The following RERE variants were observed in gnomAD, a reference collection of about 807,000 sequenced individuals.
The protein encoded by RERE is arginine-glutamic acid dipeptide repeats protein.
In RERE, 40 loss-of-function variants were observed where a neutral mutation model predicts 146.1. The ratio of observed to expected loss-of-function variants is 0.27; its 90% CI spans 0.21 to 0.36. The LOEUF (loss-of-function observed/expected upper bound fraction) is 0.36, where lower values mean the gene tolerates loss of function less well. Ranked by LOEUF, RERE falls within the 10% of genes least tolerant of loss-of-function variation. The pLI is 1.00. For missense variants in RERE, 1,933 were observed against 2,138.7 expected, an observed-to-expected ratio of 0.90 and a Z score of 1.90; for synonymous variants, 1,003 against 866.0, an observed-to-expected ratio of 1.16 and a Z score of -2.78.
At chr1:8,400,694 C>T (rs1448315659) in intron 12 of RERE, among the ~76,000 whole-genome samples, 1 of 151,740 alleles carries the variant, frequency 6.6e-6, no homozygotes, top group Non-Finnish European at 1.5e-5. Context: ...GAAGGACTGA[C>T]AGTTTCACCA....
At chr1:8,585,653 G>C (rs1646419106) in intron 4 of RERE, among the ~76,000 whole-genome samples, 1 of 152,124 alleles carries the variant, frequency 6.6e-6, no homozygotes. Flanking sequence ...ACCAAAAATG[G>C]GACAATCTGG....
intron 1 of RERE, among the ~76,000 whole-genome samples, chr1:8,700,388 A>AAG (rs1193248654): frequency 6.6e-6 from 1 of 152,208 alleles, no homozygotes; most frequent in East Asian, 1.9e-4. Context: ...GCAGACAGTA[A>AAG]AGAGACCAGA....
intron 1 of RERE, among the ~76,000 whole-genome samples, chr1:8,751,730 G>A (rs1457683589): frequency 6.7e-6 from 1 of 149,094 alleles, no homozygotes; most frequent in African/African-American, 2.5e-5. Context: ...GCAGTTTTAT[G>A]TTCTTTATAA....
chr1:8,812,552 C>A (rs894923302), intron 1 of RERE, among the ~76,000 whole-genome samples: 18 of 152,138 alleles, frequency 1.2e-4, no homozygotes, highest in Admixed American at 1.1e-3. Flanking sequence ...GAGACTGAGG[C>A]AGGAAAATCG....
intron 12 of RERE, among the ~76,000 whole-genome samples, chr1:8,375,447 T>C (rs903022162): frequency 3.9e-5 from 6 of 152,246 alleles, no homozygotes; most frequent in Non-Finnish European, 8.8e-5. Flanking sequence ...CACATGCCGA[T>C]GTTTGGAAGT....
chr1:8,558,493 G>T (rs888217162), intron 4 of RERE, among the ~76,000 whole-genome samples: 1 of 152,130 alleles, frequency 6.6e-6, no homozygotes, highest in Non-Finnish European at 1.5e-5. Flanking sequence ...CAGCCTCTAC[G>T]TTCTCATCAC....
In RERE at chr1:8,368,922, G is replaced by A. The variant is rs557350998; in HGVS notation, c.1285-2948C>T. Among the ~76,000 whole-genome samples, 13 of 151,996 alleles carry A rather than the reference G, an allele frequency of 8.6e-5. No individual in the cohort carries two copies. In the East Asian group the frequency reaches 2.5e-3, roughly 29 times the overall value. On this transcript the variant is annotated intron_variant, in intron 12 of 22. Coordinates refer to ENST00000400908, the MANE Select transcript of RERE (RefSeq NM_001042681.2). ...ACCTCAAAAAAAAAAAAAATTATCTGGGCATGGTGGTGTGCACCGGCAGTC... is the reference window on the plus strand; with the variant it reads ...ACCTCAAAAAAAAAAAAAATTATCTAGGCATGGTGGTGTGCACCGGCAGTC...
intron 12 of RERE, among the ~76,000 whole-genome samples, chr1:8,388,510 G>A (rs532014608): frequency 8.5e-4 from 130 of 152,122 alleles, no homozygotes; most frequent in African/African-American, 2.9e-3. Flanking sequence ...TAGTAGAGAC[G>A]GGGTTTCACC....
At chr1:8,437,584 G>A (rs1401679935) in intron 11 of RERE, among the ~76,000 whole-genome samples, 3 of 152,082 alleles carry the variant, frequency 2.0e-5, no homozygotes, top group Non-Finnish European at 2.9e-5. Context: ...ACAAGGCTAC[G>A]CTGCTGGCTT....
intron 1 of RERE, among the ~76,000 whole-genome samples, chr1:8,704,384 TAGAA>T (rs1337511900): frequency 2.0e-5 from 3 of 152,212 alleles, no homozygotes; most frequent in Non-Finnish European, 4.4e-5. Flanking sequence ...CAACCCAAAT[TAGAA>T]AGGTACAAGC....
chr1:8,490,389 A>G (rs1291868623), intron 10 of RERE, among the ~76,000 whole-genome samples: 1 of 150,014 alleles, frequency 6.7e-6, no homozygotes, highest in African/African-American at 2.5e-5. Context: ...CCTGTTTGAC[A>G]GTTTCTGAGA....
At position 8,423,788 on chromosome 1, in the gene RERE, C is replaced by T. The variant is rs1311648298; in HGVS notation, c.1204-981G>A. On this transcript the variant is annotated intron_variant, in intron 11 of 22. Transcript: ENST00000400908. This position sits in a 1 kb window ranked among gnomAD's most constrained non-coding sequence, Gnocchi z 5.4. ...CCGCTGACGGGGGAGGAGGCAGGAG[C>T]GCGGCGCGCAGAGCCCGGCGCGGCC... 3 of 753,146 alleles carry T rather than the reference C, an allele frequency of 4.0e-6. No individual in the cohort carries two copies. The highest frequency in any genetic ancestry group is 4.8e-6 in the Non-Finnish European group (3 of 621,108). The allele number at this position is 753,146 out of a possible 1,614,324, so 46.7% of individuals were successfully genotyped here. A position where few individuals can be genotyped will look rare whatever the true frequency, so the allele number is the denominator to read the frequency against.
At position 8,633,266 on chromosome 1, in the gene RERE, T is replaced by A. The variant is rs1028935515; in HGVS notation, c.326-8886A>T. Among the ~76,000 whole-genome samples, 74 of 151,938 alleles carry A rather than the reference T, an allele frequency of 4.9e-4. 1 individual carries two copies. Among genetic ancestry groups the A allele is most frequent in the Admixed American group, 1.2e-3 (19 of 15,262 alleles). ...AAGACTCCATCTCTACAAAAAAAAT[T>A]TTTTTAAATAGCTGGGCACGGTGGC... is the stretch of plus-strand genomic sequence containing the variant. On this transcript the variant is annotated intron_variant, in intron 2 of 22. Coordinates refer to ENST00000400908, the MANE Select transcript of RERE (RefSeq NM_001042681.2).
intron 7 of RERE, among the ~76,000 whole-genome samples, chr1:8,536,409 T>C (rs1046948520): frequency 2.0e-5 from 3 of 152,072 alleles, no homozygotes; most frequent in East Asian, 3.9e-4. Context: ...TAGAAGGTGT[T>C]AGACAAATGA....
Position 8,750,616 on chromosome 1 carries a change from G to C in RERE, c.-145+66544C>G, listed in dbSNP as rs920033636. On this transcript the variant is annotated intron_variant, in intron 1 of 22. Transcript: ENST00000400908. Reference sequence around the variant, plus strand: ...AGCACTATCACAAGGAATATAGGCAGATGTACAGAACTGAAATTCGAATGG... The same window carrying C: ...AGCACTATCACAAGGAATATAGGCACATGTACAGAACTGAAATTCGAATGG... The C allele has an allele frequency of 5.3e-5, 52 of 981,012 alleles. No individual in the cohort carries two copies. The Admixed American group carries it at 8.8e-4, about 17-fold the overall frequency. 60.8% of individuals were successfully genotyped at this position (981,012 alleles called of 1,614,324 possible). A position where few individuals can be genotyped will look rare whatever the true frequency, so the allele number is the denominator to read the frequency against.
At chr1:8,597,894 T>G (rs1038035408) in intron 4 of RERE, among the ~76,000 whole-genome samples, 4 of 152,134 alleles carry the variant, frequency 2.6e-5, no homozygotes, top group African/African-American at 9.7e-5. Flanking sequence ...TGAGGATGGA[T>G]AACTATATTT....
chr1:8,808,168 A>C (rs1641726369), intron 1 of RERE, among the ~76,000 whole-genome samples: 2 of 151,112 alleles, frequency 1.3e-5, no homozygotes, highest in African/African-American at 4.9e-5. Flanking sequence ...AAAAAAAAAA[A>C]AACCTCCTTC....
intron 10 of RERE, among the ~76,000 whole-genome samples, chr1:8,484,851 C>T (rs111344328): frequency 9.9e-5 from 15 of 152,124 alleles, no homozygotes; most frequent in African/African-American, 3.6e-4. Context: ...TGAGAGAGAC[C>T]AACATGTTTA....
intron 1 of RERE, among the ~76,000 whole-genome samples, chr1:8,810,942 A>T (rs538667927): frequency 2.9e-4 from 44 of 152,336 alleles, no homozygotes; most frequent in African/African-American, 1.0e-3. Context: ...GTCACAGAAA[A>T]TAAAAGGAGA....
Sources: allele counts gnomAD v4.1 joint callset (sites outside exome capture counted in the v4.1 genomes callset), GRCh38; gene constraint gnomAD v4.1.1; non-coding constraint Gnocchi (gnomAD v3.1); transcripts MANE v1.5; gene names NCBI Gene and HGNC (gene_info 2026-07-23, HGNC 2026-07-21).